The following SSH2 variants were observed in gnomAD, a reference collection of about 807,000 sequenced individuals.
SSH2 encodes the protein protein phosphatase Slingshot homolog 2.
In SSH2, 37 loss-of-function variants were observed where a neutral mutation model predicts 135.2. The ratio of observed to expected loss-of-function variants is 0.27; its 90% CI spans 0.21 to 0.36. The LOEUF (loss-of-function observed/expected upper bound fraction) is 0.36, where lower values mean the gene tolerates loss of function less well. SSH2 is among the 10% of genes least tolerant of loss of function. SSH2 has a pLI of 1.00. For missense variants in SSH2, 1,408 were observed against 1,765.3 expected (o/e 0.80, Z 3.63); for synonymous variants, 628 against 646.2 (o/e 0.97, Z 0.43).
intron 14 of SSH2, chr17:29,640,584 C>A (rs2036115722): frequency 6.6e-6 from 1 of 151,914 alleles, no homozygotes; most frequent in Admixed American, 6.6e-5. Flanking sequence ...TAAACTGACA[C>A]TTGTAAAAGA....
intron 1 of SSH2, among the ~76,000 whole-genome samples, chr17:29,862,640 C>T (rs1430605384): frequency 6.6e-6 from 1 of 152,170 alleles, no homozygotes; most frequent in African/African-American, 2.4e-5. Flanking sequence ...TTTCTCAGAG[C>T]CTCTTAGCAG....
At chr17:29,923,649 G>C (rs1256431334) in intron 1 of SSH2, among the ~76,000 whole-genome samples, 1 of 151,792 alleles carries the variant, frequency 6.6e-6, no homozygotes, top group East Asian at 1.9e-4. Flanking sequence ...GGGCAGGGGG[G>C]TTGGAAAAAA....
At position 29,676,868 on chromosome 17, in the gene SSH2, G is replaced by A. The variant is rs756373229; in HGVS notation, c.566C>T (p.Thr189Met). ...LDGDGGFSVS[T>M]DNRVHIFKPV... ...TTTGAATATGTGAACTCTGTTATCC[G>A]TCGATACACTGAACCCACTAAGGAC... The change falls in exon 8 of 16, where the codon ACG becomes ATG. Residue 189 changes from threonine (T) to methionine (M), a missense_variant. Physicochemically the swap from Thr to Met is moderately conservative, Grantham distance 81 (BLOSUM62 -1). Transcript: ENST00000540801. 4 of 1,613,566 alleles carry A rather than the reference G, an allele frequency of 2.5e-6. No individual in the cohort carries two copies. Among genetic ancestry groups the A allele is most frequent in the South Asian group, 1.1e-5 (1 of 91,066 alleles).
intron 2 of SSH2, among the ~76,000 whole-genome samples, chr17:29,821,558 A>G (rs2042651379): frequency 6.6e-6 from 1 of 152,236 alleles, no homozygotes; most frequent in South Asian, 2.1e-4. Flanking sequence ...AAAAATGATG[A>G]AAAACCATGG....
intron 1 of SSH2, among the ~76,000 whole-genome samples, chr17:29,894,568 T>A (rs556588942): frequency 1.3e-5 from 2 of 152,254 alleles, no homozygotes; most frequent in South Asian, 4.1e-4. Context: ...ATTTGTATTA[T>A]TTTTATTATG....
At chr17:29,784,911 C>T (rs575669226) in intron 3 of SSH2, among the ~76,000 whole-genome samples, 1 of 152,254 alleles carries the variant, frequency 6.6e-6, no homozygotes, top group Admixed American at 6.5e-5. Flanking sequence ...TTGCTTTTTT[C>T]CTCTCCTCTG....
At chr17:29,867,445 G>A (rs963449652) in intron 1 of SSH2, among the ~76,000 whole-genome samples, 2 of 152,176 alleles carry the variant, frequency 1.3e-5, no homozygotes, top group Non-Finnish European at 2.9e-5. Flanking sequence ...CTTGATTTGG[G>A]ACCTGGACTA....
intron 5 of SSH2, among the ~76,000 whole-genome samples, chr17:29,693,564 G>A (rs951325530): frequency 3.3e-5 from 5 of 152,042 alleles, no homozygotes; most frequent in African/African-American, 7.2e-5. Context: ...TGCCCACCTC[G>A]GCCTCCCAAA....
intron 3 of SSH2, among the ~76,000 whole-genome samples, chr17:29,733,741 G>A (rs1281890089): frequency 6.6e-6 from 1 of 151,652 alleles, no homozygotes; most frequent in African/African-American, 2.4e-5. Flanking sequence ...CTTTAAAAAG[G>A]GTCAATTTTG....
intron 2 of SSH2, among the ~76,000 whole-genome samples, chr17:29,805,593 TC>T (rs2042330944): frequency 6.6e-6 from 1 of 152,158 alleles, no homozygotes; most frequent in Non-Finnish European, 1.5e-5. Flanking sequence ...GATGTGTTTA[TC>T]AGCAAAATCA....
At chr17:29,783,602 G>A (rs540414280) in intron 3 of SSH2, among the ~76,000 whole-genome samples, 2 of 152,118 alleles carry the variant, frequency 1.3e-5, no homozygotes, top group South Asian at 4.2e-4. Context: ...GATTAACTGT[G>A]CATCTGCCTT....
At chr17:29,674,051 A>T in intron 8 of SSH2, 1 of 456,648 alleles carries the variant, frequency 2.2e-6, no homozygotes, top group South Asian at 1.5e-5. Flanking sequence ...GACAAAGATC[A>T]TGCAAAATGA....
intron 3 of SSH2, among the ~76,000 whole-genome samples, chr17:29,745,704 GTGCCACTCTA>G (rs2040737818): frequency 6.6e-6 from 1 of 152,140 alleles, no homozygotes; most frequent in Non-Finnish European, 1.5e-5. Context: ...TCATGCTAGT[GTGCCACTCTA>G]ATTATTTCTC....
At chr17:29,772,270 G>T (rs965467389) in intron 3 of SSH2, among the ~76,000 whole-genome samples, 1 of 150,028 alleles carries the variant, frequency 6.7e-6, no homozygotes, top group Non-Finnish European at 1.5e-5. Context: ...TTTTGAGACG[G>T]AGTCTCGCTC....
chr17:29,898,754 G>C (rs535823329), intron 1 of SSH2, among the ~76,000 whole-genome samples: 2,029 of 152,264 alleles, frequency 0.013, 39 homozygotes, highest in African/African-American at 0.047. Flanking sequence ...AATAGAAAAA[G>C]AGGGAATTCT....
At chr17:29,700,725 G>T (rs534420934) in intron 4 of SSH2, among the ~76,000 whole-genome samples, 1 of 152,168 alleles carries the variant, frequency 6.6e-6, no homozygotes, top group Admixed American at 6.5e-5. Context: ...ACAGTAGAAA[G>T]AAATCAGAAA....
rs145996261 is a variant in SSH2, at chr17:29,684,883, T to G, written c.358-199A>C. Among the ~76,000 whole-genome samples the G allele has an allele frequency of 3.8e-3, 572 of 152,282 alleles. 4 individuals carry two copies. The highest frequency in any genetic ancestry group is 0.013 in the African/African-American group (549 of 41,544). The stretch of plus-strand genomic sequence containing the variant: ...TTACTAAATTAATTGGAGGGAGATA[T>G]AATAATACCTAACTGTCAGGTTGTT... On this transcript the variant is annotated intron_variant, in intron 5 of 15. Coordinates refer to ENST00000540801, the MANE Select transcript of SSH2 (RefSeq NM_001282129.2).
intron 1 of SSH2, among the ~76,000 whole-genome samples, chr17:29,849,811 C>T (rs2151388475): frequency 7.2e-6 from 1 of 139,602 alleles, no homozygotes; most frequent in South Asian, 2.3e-4. Context: ...ACCAGCCTGG[C>T]CAACATAGTA....
At chr17:29,652,524 G>A (rs2036618929) in intron 12 of SSH2, among the ~76,000 whole-genome samples, 1 of 151,446 alleles carries the variant, frequency 6.6e-6, no homozygotes, top group South Asian at 2.1e-4. Flanking sequence ...TAAAATGGGT[G>A]AATCATATGG....
Sources: gnomAD v4.1 joint callset for allele counts (sites outside exome capture counted in the v4.1 genomes callset) on GRCh38, gnomAD v4.1.1 for gene constraint, MANE v1.5 for transcripts, NCBI Gene and HGNC (gene_info 2026-07-23, HGNC 2026-07-21) for gene names.